Variants in KCNIP1 observed in about 807,000 individuals in gnomAD.
KCNIP1 encodes the protein A-type potassium channel modulatory protein KCNIP1.
KCNIP1 carries 18 observed loss-of-function variants against 33.0 expected under a neutral mutation model. That is an observed-to-expected ratio of 0.55 (90% confidence interval 0.38 to 0.81). The LOEUF (loss-of-function observed/expected upper bound fraction) is 0.81. KCNIP1 is among the 30% of genes least tolerant of loss of function. The probability of loss-of-function intolerance (pLI) is 0.00; values close to 1 mark genes in which losing one functional copy is unlikely to be tolerated. For synonymous variants in KCNIP1, 93 were observed against 98.3 expected (o/e 0.95, Z 0.32); for missense variants, 238 against 271.6 (o/e 0.88, Z 0.87).
At chr5:170,652,875 G>T (rs144089193) in intron 1 of KCNIP1, among the ~76,000 whole-genome samples, 97 of 152,346 alleles carry the variant, frequency 6.4e-4, no homozygotes, top group African/African-American at 2.2e-3. Flanking sequence ...CCCAAGCTCT[G>T]AGTGGTTCAG....
chr5:170,414,727 A>ATG (rs1235429222), intron 1 of KCNIP1, among the ~76,000 whole-genome samples: 3 of 152,230 alleles, frequency 2.0e-5, no homozygotes, highest in Non-Finnish European at 4.4e-5. Flanking sequence ...AACTTACAAA[A>ATG]TGTGTGTGTG....
intron 1 of KCNIP1, among the ~76,000 whole-genome samples, chr5:170,364,869 C>T (rs1341492880): frequency 2.0e-5 from 3 of 152,090 alleles, no homozygotes; most frequent in Non-Finnish European, 2.9e-5. Context: ...TGAACATATC[C>T]GTCTCTTTTC....
At chr5:170,582,776 A>C (rs1401399712) in intron 1 of KCNIP1, among the ~76,000 whole-genome samples, 1 of 152,192 alleles carries the variant, frequency 6.6e-6, no homozygotes, top group Non-Finnish European at 1.5e-5. Context: ...ACACACCCAC[A>C]GTCCTACAAA....
chr5:170,581,796 G>T (rs938285507), intron 1 of KCNIP1, among the ~76,000 whole-genome samples: 1 of 152,226 alleles, frequency 6.6e-6, no homozygotes, highest in South Asian at 2.1e-4. Context: ...AATTTGTAAA[G>T]AAGAGGTTTA....
chr5:170,383,961 G>A, intron 1 of KCNIP1: 3 of 1,132,194 alleles, frequency 2.6e-6, no homozygotes, highest in East Asian at 5.2e-5. Context: ...CCAGGACTGG[G>A]ATCCTCATCT....
At chr5:170,584,417 A>G (rs1213096389) in intron 1 of KCNIP1, among the ~76,000 whole-genome samples, 1 of 152,208 alleles carries the variant, frequency 6.6e-6, no homozygotes, top group Non-Finnish European at 1.5e-5. Context: ...AGTAAGAGAT[A>G]AGAACGGCAG....
chr5:170,520,299 T>C (rs1755314564), intron 1 of KCNIP1, among the ~76,000 whole-genome samples: 1 of 152,322 alleles, frequency 6.6e-6, no homozygotes, highest in African/African-American at 2.4e-5. Flanking sequence ...ACATAGCTGC[T>C]AAGTGCAGGG....
In KCNIP1 at chr5:170,692,595, GCTGT is replaced by G. The variant is rs1762757259; in HGVS notation, c.62-26159_62-26156del. Among the ~76,000 whole-genome samples, 3 of 152,300 alleles carry G rather than the reference GCTGT, an allele frequency of 2.0e-5. No homozygotes were observed. In the South Asian group the frequency reaches 6.2e-4, roughly 32 times the overall value. On this transcript the variant is annotated intron_variant, in intron 1 of 7. Transcript: ENST00000328939. ...CTGTGTGACCCTGGGAATCACTTAA[GCTGT>G]CTGAGACTTAGCTTGTCTAATGACA... is the stretch of plus-strand genomic sequence containing the variant.
intron 1 of KCNIP1, among the ~76,000 whole-genome samples, chr5:170,528,542 A>T (rs899739059): frequency 6.6e-6 from 1 of 152,226 alleles, no homozygotes; most frequent in Non-Finnish European, 1.5e-5. Flanking sequence ...CTCCTGAGGG[A>T]TCAAGAAGAT....
At chr5:170,657,376 C>A (rs1315673802) in intron 1 of KCNIP1, among the ~76,000 whole-genome samples, 2 of 152,068 alleles carry the variant, frequency 1.3e-5, no homozygotes, top group African/African-American at 4.8e-5. Context: ...GAGGAGGGGG[C>A]CAAGAGCTCT....
At chr5:170,431,245 ATCT>A (rs1332692516) in intron 1 of KCNIP1, among the ~76,000 whole-genome samples, 1 of 152,264 alleles carries the variant, frequency 6.6e-6, no homozygotes, top group Admixed American at 6.5e-5. Flanking sequence ...GTCAGGAGAC[ATCT>A]TCTCCAGTTA....
intron 1 of KCNIP1, among the ~76,000 whole-genome samples, chr5:170,406,324 G>T (rs1379000569): frequency 6.6e-6 from 1 of 152,212 alleles, no homozygotes; most frequent in African/African-American, 2.4e-5. Context: ...TGGAGAGCTT[G>T]TGTGTATAGC....
chr5:170,572,040 G>T (rs1450107601), intron 1 of KCNIP1, among the ~76,000 whole-genome samples: 1 of 152,092 alleles, frequency 6.6e-6, no homozygotes, highest in Admixed American at 6.5e-5. Context: ...TCTACTTGTA[G>T]GAACAATGAA....
chr5:170,734,330 A>G (rs886995103), intron 7 of KCNIP1, among the ~76,000 whole-genome samples: 2 of 152,170 alleles, frequency 1.3e-5, no homozygotes, highest in Non-Finnish European at 1.5e-5. Context: ...GAAAATGCAT[A>G]TTTCCAGGCC....
chr5:170,382,448 C>A (rs1207362127), intron 1 of KCNIP1, among the ~76,000 whole-genome samples: 17 of 152,150 alleles, frequency 1.1e-4, no homozygotes, highest in African/African-American at 3.9e-4. Context: ...TGGGAACAGA[C>A]CTTAGTCTGC....
chr5:170,556,358 A>G (rs1336365704), intron 1 of KCNIP1, among the ~76,000 whole-genome samples: 1 of 152,234 alleles, frequency 6.6e-6, no homozygotes. Context: ...TTTGAGGGTG[A>G]TAGCAAGGAA....
chr5:170,666,603 A>G (rs1761712903), intron 1 of KCNIP1, among the ~76,000 whole-genome samples: 1 of 152,254 alleles, frequency 6.6e-6, no homozygotes, highest in Admixed American at 6.5e-5. Context: ...CAAATAATCC[A>G]AGCAGCAAAG....
chr5:170,537,183 T>C (rs1756020414), intron 1 of KCNIP1, among the ~76,000 whole-genome samples: 1 of 152,146 alleles, frequency 6.6e-6, no homozygotes, highest in African/African-American at 2.4e-5. Context: ...TGAGAAAGGA[T>C]TGTGCTGAGT....
chr5:170,683,691 G>A (rs1252544659), intron 1 of KCNIP1, among the ~76,000 whole-genome samples: 1 of 151,722 alleles, frequency 6.6e-6, no homozygotes, highest in South Asian at 2.1e-4. Flanking sequence ...GTCTTCCTTC[G>A]GCCCTTGATC....
Sources: allele counts gnomAD v4.1 joint callset (sites outside exome capture counted in the v4.1 genomes callset), GRCh38; gene constraint gnomAD v4.1.1; transcripts MANE v1.5; gene names NCBI Gene and HGNC (gene_info 2026-07-23, HGNC 2026-07-21).